Variants in ANKRD30B observed in about 807,000 individuals in gnomAD.
ANKRD30B encodes the protein ankyrin repeat domain-containing protein 30B.
ANKRD30B carries 144 observed loss-of-function variants against 202.2 expected under a neutral mutation model. That is an observed-to-expected ratio of 0.71 (90% CI 0.62 to 0.82). ANKRD30B has a LOEUF of 0.82. ANKRD30B is among the 40% of genes least tolerant of loss of function. The probability of loss-of-function intolerance (pLI) is 0.00; values close to 1 mark genes in which losing one functional copy is unlikely to be tolerated. For synonymous variants in ANKRD30B, 508 were observed against 561.3 expected, an observed-to-expected ratio of 0.91 and a Z score of 1.34; for missense variants, 1,487 against 1,669.1, an observed-to-expected ratio of 0.89 and a Z score of 1.90.
the ANKRD30B span, among the ~76,000 whole-genome samples, chr18:14,907,178 C>A: frequency 1.3e-5 from 2 of 151,894 alleles, no homozygotes; most frequent in Admixed American, 1.3e-4. Context: ...CAGGTCCGAC[C>A]CCCACTCCCT....
Position 14,764,759 on chromosome 18 carries a change from G to C in ANKRD30B, c.1225+669G>C, listed in dbSNP as rs140500579. On this transcript the variant is annotated intron_variant, in intron 7 of 43. Coordinates refer to ENST00000690538, the MANE Select transcript of ANKRD30B (RefSeq NM_001367607.2). ...TGCTCTCTCAAGACAATATTTAAAGGCTGGAAGGGCTGCTTTGTTCACATT... is the reference window on the plus strand; with the variant it reads ...TGCTCTCTCAAGACAATATTTAAAGCCTGGAAGGGCTGCTTTGTTCACATT... Among the ~76,000 whole-genome samples the C allele has an allele frequency of 2.9e-3, 435 of 152,184 alleles. 4 individuals carry two copies. Among genetic ancestry groups the C allele is most frequent in the African/African-American group, 9.6e-3 (400 of 41,528 alleles).
At chr18:14,887,277 T>C in the ANKRD30B span, among the ~76,000 whole-genome samples, 3 of 152,186 alleles carry the variant, frequency 2.0e-5, no homozygotes, top group African/African-American at 7.2e-5. Context: ...ATCTTCTATG[T>C]TGGGCATTGT....
At chr18:14,761,016 A>G (rs1915173376) in intron 6 of ANKRD30B, among the ~76,000 whole-genome samples, 1 of 152,200 alleles carries the variant, frequency 6.6e-6, no homozygotes, top group South Asian at 2.1e-4. Context: ...TGATGAGCTC[A>G]GTAACAGGGG....
intron 4 of ANKRD30B, among the ~76,000 whole-genome samples, chr18:14,756,226 C>A (rs1405469002): frequency 3.3e-5 from 5 of 151,974 alleles, no homozygotes; most frequent in African/African-American, 7.3e-5. Flanking sequence ...CTGTTCATAC[C>A]CTTTGCCCAC....
chr18:14,748,292 C>T lies in ANKRD30B; in HGVS notation c.-128C>T. 1 of 712,658 alleles carries T rather than the reference C, an allele frequency of 1.4e-6. No individual in the cohort carries two copies. Among genetic ancestry groups the T allele is most frequent in the Non-Finnish European group, 2.2e-6 (1 of 457,182 alleles). The allele number at this position is 712,658 out of a possible 1,614,324, so 44.1% of individuals were successfully genotyped here. ...GCTGGTGTTGGGGCGGGTGCGGGAA[C>T]TGAAGACGGGCGAGTGCGAGCCGGG... On this transcript the variant is annotated 5_prime_UTR_variant, in exon 1 of 44. Transcript: ENST00000690538.
chr18:14,774,382 G>T (rs771984560), intron 9 of ANKRD30B, among the ~76,000 whole-genome samples: 2 of 151,986 alleles, frequency 1.3e-5, no homozygotes, highest in African/African-American at 2.4e-5. Context: ...AAAATGATTT[G>T]CCCCAGACTT....
chr18:14,932,983 C>T, the ANKRD30B span, among the ~76,000 whole-genome samples: 1 of 152,196 alleles, frequency 6.6e-6, no homozygotes, highest in Non-Finnish European at 1.5e-5. Context: ...TTAAGTACAT[C>T]TGTTGTTTCT....
At position 14,807,610 on chromosome 18, in the gene ANKRD30B, C is replaced by T. The variant is rs537142518; in HGVS notation, c.2285-941C>T. Among the ~76,000 whole-genome samples, 21 of 148,832 alleles carry T rather than the reference C, an allele frequency of 1.4e-4. 2 individuals carry two copies. The highest frequency in any genetic ancestry group is 6.0e-5 in the Non-Finnish European group (4 of 67,176). ...GCAGGGGCATGATCTTGACTCACTG[C>T]CACCTGGGCCTCCTGGGTTCAAGTG... On this transcript the variant is annotated intron_variant, in intron 24 of 43. Transcript: ENST00000690538.
intron 15 of ANKRD30B, among the ~76,000 whole-genome samples, chr18:14,789,794 C>T (rs1375817458): frequency 6.6e-6 from 1 of 152,150 alleles, no homozygotes; most frequent in African/African-American, 2.4e-5. Context: ...GTCACTGAAG[C>T]CTTGTAGTAT....
In ANKRD30B at chr18:14,850,406, T is replaced by G. The variant is rs191778035; in HGVS notation, c.3564+24T>G. ...AGGTAAATCAATCTCTGGCAAAAAT[T>G]TTATATTTCTGACTTTATTTCATCA... On this transcript the variant is annotated intron_variant, in intron 41 of 43. Coordinates refer to ENST00000690538, the MANE Select transcript of ANKRD30B (RefSeq NM_001367607.2). 8.6e-4 allele frequency: 1,273 copies of G among 1,484,642 alleles called. 20 individuals carry two copies. Among genetic ancestry groups the G allele is most frequent in the Non-Finnish European group, 7.2e-5 (80 of 1,118,858 alleles). The allele number at this position is 1,484,642 out of a possible 1,614,324, so 92.0% of individuals were successfully genotyped here.
intron 7 of ANKRD30B, among the ~76,000 whole-genome samples, chr18:14,766,301 G>A (rs1174895695): frequency 8.6e-5 from 13 of 151,428 alleles, no homozygotes; most frequent in East Asian, 7.8e-4. Flanking sequence ...GTGAAACCCC[G>A]TCTCTACTAA....
intron 42 of ANKRD30B, 184 bp downstream of exon 42, chr18:14,852,604 G>A (rs562569647): frequency 6.6e-6 from 5 of 756,586 alleles, no homozygotes; most frequent in African/African-American, 5.4e-5. Context: ...TTTACTTTGA[G>A]TAAAGGTATT....
At chr18:14,806,651 G>C (rs1008964915) in intron 24 of ANKRD30B, among the ~76,000 whole-genome samples, 1 of 149,068 alleles carries the variant, frequency 6.7e-6, no homozygotes, top group Non-Finnish European at 1.5e-5. Flanking sequence ...AATGCCAAGT[G>C]ATAAACGGTT....
At chr18:14,878,629 G>A in the ANKRD30B span, among the ~76,000 whole-genome samples, 1 of 152,116 alleles carries the variant, frequency 6.6e-6, no homozygotes, top group South Asian at 2.1e-4. Context: ...TCCACACACA[G>A]AAAGGGCAGC....
chr18:14,759,123 T>C (rs982500384), intron 5 of ANKRD30B: 1 of 152,216 alleles, frequency 6.6e-6, no homozygotes. Context: ...AGTAAGTTGC[T>C]TAGATTTAAC....
intron 32 of ANKRD30B, among the ~76,000 whole-genome samples, chr18:14,825,824 C>A (rs1439905396): frequency 6.6e-6 from 1 of 151,952 alleles, no homozygotes; most frequent in Non-Finnish European, 1.5e-5. Context: ...AAAGCAAATG[C>A]AGAAAAGAGG....
At chr18:14,830,797 G>A (rs186004700) in intron 33 of ANKRD30B, among the ~76,000 whole-genome samples, 177 of 152,144 alleles carry the variant, frequency 1.2e-3, no homozygotes, top group African/African-American at 3.9e-3. Flanking sequence ...TTATATTGGC[G>A]GTCACTATTT....
chr18:14,938,953 G>C, the ANKRD30B span, among the ~76,000 whole-genome samples: 1 of 152,158 alleles, frequency 6.6e-6, no homozygotes, highest in Non-Finnish European at 1.5e-5. Flanking sequence ...GAGACAGAGG[G>C]ACCCCTCTAG....
chr18:14,782,011 C>T (rs980526563), intron 11 of ANKRD30B, among the ~76,000 whole-genome samples: 4 of 152,132 alleles, frequency 2.6e-5, no homozygotes, highest in South Asian at 2.1e-4. Flanking sequence ...ATTTGTTTAA[C>T]GAAAGGTAAA....
Sources: allele counts gnomAD v4.1 joint callset (sites outside exome capture counted in the v4.1 genomes callset), GRCh38; gene constraint gnomAD v4.1.1; transcripts MANE v1.5; gene names NCBI Gene and HGNC (gene_info 2026-07-23, HGNC 2026-07-21).